PRIM2: variants seen among roughly 807,000 people sequenced by gnomAD.
PRIM2 encodes DNA primase subunit 2, also known as DNA primase large subunit.
In PRIM2, 39 loss-of-function variants were observed where a neutral mutation model predicts 67.3. The observed-to-expected ratio is 0.58, with a 90% CI of 0.45 to 0.76. The LOEUF (loss-of-function observed/expected upper bound fraction) is 0.76. PRIM2 is among the 30% of genes least tolerant of loss of function. The pLI, the probability that PRIM2 is intolerant of heterozygous loss-of-function variation, is 0.00. For missense variants in PRIM2, 398 were observed against 598.7 expected, an observed-to-expected ratio of 0.66 and a Z score of 3.50; for synonymous variants, 143 against 198.7, an observed-to-expected ratio of 0.72 and a Z score of 2.36.
At chr6:57,609,650 C>G (rs1242402699) in intron 12 of PRIM2, among the ~76,000 whole-genome samples, 1 of 152,204 alleles carries the variant, frequency 6.6e-6, no homozygotes, top group East Asian at 1.9e-4. Context: ...TAAGTATACT[C>G]CTTACTTAGC....
rs1366466428 is a variant in PRIM2, at chr6:57,487,322, C to A, written c.694-20065C>A. On this transcript the variant is annotated intron_variant, in intron 7 of 13. Transcript: ENST00000615550. ...TTGGCTCACTGCAACCCGGGCCTCC[C>A]AGGTTCAAGCTATTCTCCTGCTCAG... Among the ~76,000 whole-genome samples, 1,357 of 152,280 alleles carry A rather than the reference C, an allele frequency of 8.9e-3. 80 individuals are homozygous for A. The East Asian group carries it at 0.16, about 17-fold the overall frequency.
At chr6:57,466,031 C>T (rs1773177236) in intron 7 of PRIM2, among the ~76,000 whole-genome samples, 1 of 150,758 alleles carries the variant, frequency 6.6e-6, no homozygotes, top group Non-Finnish European at 1.5e-5. Flanking sequence ...TCCATGTGTT[C>T]TCGTTGTTCA....
the PRIM2 span, among the ~76,000 whole-genome samples, chr6:57,294,201 C>G: frequency 1.3e-5 from 2 of 152,072 alleles, no homozygotes; most frequent in Non-Finnish European, 2.9e-5. Flanking sequence ...TTATATAGGC[C>G]AGGCGTGGTG....
the PRIM2 span, among the ~76,000 whole-genome samples, chr6:57,223,546 A>C: frequency 6.6e-6 from 1 of 152,252 alleles, no homozygotes; most frequent in Non-Finnish European, 1.5e-5. Flanking sequence ...TTTAATATCA[A>C]GTAGCTAACA....
chr6:57,545,642 C>G (rs1456771984), intron 10 of PRIM2, among the ~76,000 whole-genome samples: 21 of 152,046 alleles, frequency 1.4e-4, no homozygotes, highest in African/African-American at 4.6e-4. Flanking sequence ...TCATGTTGAT[C>G]AGGCTGGTCT....
intron 7 of PRIM2, among the ~76,000 whole-genome samples, chr6:57,435,839 G>A (rs1771993001): frequency 6.6e-6 from 1 of 152,138 alleles, no homozygotes; most frequent in South Asian, 2.1e-4. Context: ...TGCACAGGTG[G>A]TTTGGGCATT....
chr6:57,273,302 A>G, the PRIM2 span, among the ~76,000 whole-genome samples: 5 of 152,002 alleles, frequency 3.3e-5, no homozygotes, highest in Non-Finnish European at 7.4e-5. Context: ...ATAGTCCCAT[A>G]TTTCTTGGAG....
intron 5 of PRIM2, among the ~76,000 whole-genome samples, chr6:57,357,221 C>T (rs72870480): frequency 3.9e-5 from 6 of 152,166 alleles, no homozygotes; most frequent in Non-Finnish European, 5.9e-5. Context: ...AGTGAGCCAC[C>T]GTGCCGGCCT....
the PRIM2 span, among the ~76,000 whole-genome samples, chr6:57,230,055 C>G: frequency 6.6e-6 from 1 of 152,312 alleles, no homozygotes; most frequent in African/African-American, 2.4e-5. Context: ...GATGTGGGAA[C>G]AGCATTTAAA....
chr6:57,233,382 A>G, the PRIM2 span, among the ~76,000 whole-genome samples: 3 of 152,210 alleles, frequency 2.0e-5, no homozygotes, highest in Non-Finnish European at 4.4e-5. Flanking sequence ...GAATATATTT[A>G]ATCTTTGGGT....
the PRIM2 span, among the ~76,000 whole-genome samples, chr6:57,239,874 T>G: frequency 1.3e-5 from 2 of 152,232 alleles, no homozygotes; most frequent in Non-Finnish European, 2.9e-5. Flanking sequence ...AATTTTGGGC[T>G]GCTTCAAATA....
intron 7 of PRIM2, among the ~76,000 whole-genome samples, chr6:57,503,156 G>A (rs1554347036): frequency 1.7e-4 from 26 of 152,240 alleles, no homozygotes; most frequent in Non-Finnish European, 3.1e-4. Flanking sequence ...CTAAGCAGTC[G>A]GGGGAAAGTG....
chr6:57,583,126 T>C (rs1477982384), intron 10 of PRIM2, among the ~76,000 whole-genome samples: 4 of 149,500 alleles, frequency 2.7e-5, no homozygotes, highest in Non-Finnish European at 4.5e-5. Flanking sequence ...CTCATCATTT[T>C]TTATGGCTGC....
chr6:57,311,500 C>T (rs1391727248), upstream of PRIM2, among the ~76,000 whole-genome samples: 1 of 151,822 alleles, frequency 6.6e-6, no homozygotes, highest in African/African-American at 2.4e-5. Flanking sequence ...CTTCTCACGT[C>T]CCAGACAATG....
the PRIM2 span, among the ~76,000 whole-genome samples, chr6:57,288,561 T>C: frequency 5.3e-5 from 8 of 151,974 alleles, no homozygotes; most frequent in African/African-American, 1.5e-4. Context: ...AGACACCTCA[T>C]AGAGACAGGG....
upstream of PRIM2, among the ~76,000 whole-genome samples, chr6:57,315,612 CTCT>C (rs1348953080): frequency 6.6e-5 from 10 of 151,598 alleles, no homozygotes; most frequent in Admixed American, 3.9e-4. Flanking sequence ...TATGAGTTAC[CTCT>C]TCTTCTTCTT....
Position 57,434,471 on chromosome 6 carries a change from G to GT in PRIM2, c.693+52311dup, listed in dbSNP as rs544179240. Among the ~76,000 whole-genome samples, 7 of 151,776 alleles carry GT rather than the reference G, an allele frequency of 4.6e-5. No individual in the cohort carries two copies. In the East Asian group the frequency reaches 9.7e-4, roughly 21 times the overall value. ...CAAGAATTTGCCCTGAAAAGCCCCA[G>GT]TTTTTTTTCTGTAACACCAATAATT... On this transcript the variant is annotated intron_variant, in intron 7 of 13. Transcript: ENST00000615550.
At chr6:57,521,136 G>A (rs1390826729) in intron 8 of PRIM2, among the ~76,000 whole-genome samples, 4 of 151,960 alleles carry the variant, frequency 2.6e-5, no homozygotes, top group Admixed American at 6.6e-5. Flanking sequence ...AAATCACCTG[G>A]GCTAATACAA....
At chr6:57,238,819 A>G in the PRIM2 span, among the ~76,000 whole-genome samples, 93 of 152,348 alleles carry the variant, frequency 6.1e-4, 1 homozygote, top group South Asian at 0.01. Flanking sequence ...ACCGCTAGCA[A>G]GACTAATAAA....
Sources: allele counts gnomAD v4.1 joint callset (sites outside exome capture counted in the v4.1 genomes callset), GRCh38; gene constraint gnomAD v4.1.1; transcripts MANE v1.5; gene names NCBI Gene and HGNC (gene_info 2026-07-23, HGNC 2026-07-21).